The following APLP2 variants were observed in gnomAD, a reference collection of about 807,000 sequenced individuals.
APLP2 encodes CDEI box-binding protein.
In APLP2, 53 loss-of-function variants were observed where a neutral mutation model predicts 89.9. That is an observed-to-expected ratio of 0.59 (90% CI 0.47 to 0.74). The LOEUF (loss-of-function observed/expected upper bound fraction) is 0.74. Ranked by LOEUF, APLP2 falls within the 30% of genes least tolerant of loss-of-function variation. The probability of loss-of-function intolerance (pLI) is 0.00; values close to 1 mark genes in which losing one functional copy is unlikely to be tolerated. For missense variants in APLP2, 973 were observed against 975.9 expected (o/e 1.00, Z 0.04); for synonymous variants, 372 against 348.6 (o/e 1.07, Z -0.75).
rs781185639 is a variant in APLP2 at position 130,126,794 on chromosome 11, G to A, written c.1185G>A (p.Glu395=). The change falls in exon 8 of 17, where the codon GAG becomes GAA. Residue 395 remains glutamate, a synonymous_variant. Coordinates refer to ENST00000338167, the MANE Select transcript of APLP2 (RefSeq NM_001142276.2). ...ATGCTCGCTTCCAGAAGGCTAAGGAGCAGCTGGAGATTCGGCACCGCAACC... is the reference window on the plus strand; with the variant it reads ...ATGCTCGCTTCCAGAAGGCTAAGGAACAGCTGGAGATTCGGCACCGCAACC... ...NEHARFQKAK[E]QLEIRHRNRM... is the part of the protein sequence containing the mutation. 15 of 1,614,100 alleles carry A rather than the reference G, an allele frequency of 9.3e-6. No individual in the cohort carries two copies. The highest frequency in any genetic ancestry group is 2.7e-5 in the African/African-American group (2 of 74,920).
chr11:130,117,933 C>T (rs12282946), intron 3 of APLP2, among the ~76,000 whole-genome samples: 8,639 of 151,986 alleles, frequency 0.057, 840 homozygotes, highest in African/African-American at 0.19. Flanking sequence ...AAAAATTAGA[C>T]GGGCGTGGTG....
intron 1 of APLP2, among the ~76,000 whole-genome samples, chr11:130,071,381 A>C: frequency 6.6e-6 from 1 of 152,338 alleles, no homozygotes; most frequent in Non-Finnish European, 1.5e-5. Context: ...CTTTAAAGAG[A>C]AATAGTTAAC....
chr11:130,119,812 G>A (rs1949618333), intron 3 of APLP2, among the ~76,000 whole-genome samples: 1 of 152,192 alleles, frequency 6.6e-6, no homozygotes, highest in South Asian at 2.1e-4. Context: ...TTTCTCCTAA[G>A]AGCCAGGGAC....
chr11:130,124,360 C>T (rs542168988), intron 7 of APLP2, among the ~76,000 whole-genome samples: 19 of 152,252 alleles, frequency 1.2e-4, no homozygotes, highest in Middle Eastern at 6.8e-3. Flanking sequence ...ATTTTGCAAC[C>T]GGGTCACACA....
chr11:130,102,146 C>A, intron 1 of APLP2: 1 of 298,776 alleles, frequency 3.3e-6, no homozygotes, highest in African/African-American at 2.2e-5. Flanking sequence ...GGTGAAGGTT[C>A]ATGAACATAA....
chr11:130,092,682 G>A (rs924312657), intron 1 of APLP2, among the ~76,000 whole-genome samples: 1 of 114,902 alleles, frequency 8.7e-6, no homozygotes, highest in Admixed American at 8.1e-5. Context: ...CTTCAGCTCC[G>A]CATGAGAGGG....
At chr11:130,091,405 C>T (rs762335543) in intron 1 of APLP2, among the ~76,000 whole-genome samples, 94 of 140,262 alleles carry the variant, frequency 6.7e-4, no homozygotes, top group African/African-American at 2.3e-3. Context: ...GGCGGCTGGC[C>T]GGGCAGAGGG....
At chr11:130,135,888 G>C (rs1951523941) in intron 13 of APLP2, among the ~76,000 whole-genome samples, 173 bp downstream of exon 13, 1 of 152,186 alleles carries the variant, frequency 6.6e-6, no homozygotes, top group Non-Finnish European at 1.5e-5. Context: ...CCTGCTAGAT[G>C]CTTTCAAATC....
rs140319879 is a variant in APLP2, at chr11:130,135,672, G to C, written c.1794G>C (p.Pro598=). 6.8e-6 allele frequency: 11 copies of C among 1,614,024 alleles called. No individual in the cohort carries two copies. The East Asian group carries it at 8.9e-5, about 13-fold the overall frequency. ...VSSEESEEIP[P]FHPFHPFPAL... ...CTGAGGAGAGTGAGGAGATCCCACCGTTCCACCCCTTCCACCCCTTCCCAG... is the reference window on the plus strand; with the variant it reads ...CTGAGGAGAGTGAGGAGATCCCACCCTTCCACCCCTTCCACCCCTTCCCAG... The change falls in exon 13 of 17, where the codon CCG becomes CCC. Residue 598 remains proline (P), a synonymous_variant. Transcript: ENST00000338167.
chr11:130,101,983 A>G (rs942737581), intron 1 of APLP2: 3 of 456,168 alleles, frequency 6.6e-6, no homozygotes, highest in Non-Finnish European at 8.8e-6. Flanking sequence ...CAAATGTCTC[A>G]TTGTGGATGA....
chr11:130,101,105 T>C (rs1411189888), intron 1 of APLP2, among the ~76,000 whole-genome samples: 1 of 151,392 alleles, frequency 6.6e-6, no homozygotes, highest in Admixed American at 6.6e-5. Flanking sequence ...AGTCTTCCAA[T>C]TGCAGAAAAA....
chr11:130,088,303 A>G (rs970096706), intron 1 of APLP2, among the ~76,000 whole-genome samples: 1 of 152,232 alleles, frequency 6.6e-6, no homozygotes, highest in Admixed American at 6.5e-5. Context: ...ATCATTGTTC[A>G]GGGAAGGCTG....
At chr11:130,072,209 C>A (rs1180342053) in intron 1 of APLP2, among the ~76,000 whole-genome samples, 1 of 152,204 alleles carries the variant, frequency 6.6e-6, no homozygotes, top group Non-Finnish European at 1.5e-5. Flanking sequence ...CCATTTGGGA[C>A]TGAGACAGTA....
At chr11:130,142,189 C>CAGTG in intron 16 of APLP2, 115 bp downstream of exon 16, 1 of 1,206,104 alleles carries the variant, frequency 8.3e-7, no homozygotes, top group Non-Finnish European at 1.1e-6. Flanking sequence ...CTGCTGTTAT[C>CAGTG]AGTTCAGTTA....
rs1243441087 is a variant in APLP2 at position 130,069,997 on chromosome 11, C to T, written c.20C>T (p.Ala7Val). 6.7e-7 allele frequency: 1 copy of T among 1,501,688 alleles called. No individual in the cohort carries two copies. The highest frequency in any genetic ancestry group is 8.8e-7 in the Non-Finnish European group (1 of 1,130,212). 93.0% of individuals were successfully genotyped at this position (1,501,688 alleles called of 1,614,324 possible). A position where few individuals can be genotyped will look rare whatever the true frequency, so the allele number is the denominator to read the frequency against. The change falls in exon 1 of 17, where the codon GCG (alanine) becomes GTG (valine). Residue 7 changes from alanine (A) to valine (V), a missense_variant. By Grantham distance (64) the Ala-to-Val change is moderately conservative. Coordinates refer to ENST00000338167, the MANE Select transcript of APLP2 (RefSeq NM_001142276.2). MAATGT[A>V]AAAATGRLLL... ...CGAGGGATGGCGGCCACCGGGACCG[C>T]GGCCGCCGCAGCCACGGGCAGGCTC...
At chr11:130,096,666 C>G (rs1316747964) in intron 1 of APLP2, among the ~76,000 whole-genome samples, 1 of 152,080 alleles carries the variant, frequency 6.6e-6, no homozygotes, top group Non-Finnish European at 1.5e-5. Context: ...TATAATCAGC[C>G]GTGATTGCAC....
rs776609350 is a variant in APLP2 at position 130,135,634 on chromosome 11, G to A, written c.1756G>A (p.Val586Ile). Residue 586 changes from valine to isoleucine, a missense_variant, in exon 13 of 17, where the codon GTC (valine) becomes ATC (isoleucine). Transcript: ENST00000338167. ...TASISETPVD[V>I]RVSSEESEEI... Reference sequence around the variant, plus strand: ...CTCAATCTCAGAGACCCCTGTGGACGTCCGGGTGAGCTCTGAGGAGAGTGA... The same window carrying A: ...CTCAATCTCAGAGACCCCTGTGGACATCCGGGTGAGCTCTGAGGAGAGTGA... 297 of 1,614,056 alleles carry A rather than the reference G, an allele frequency of 1.8e-4. No individual in the cohort carries two copies. Among genetic ancestry groups the A allele is most frequent in the Non-Finnish European group, 2.4e-4 (280 of 1,180,024 alleles).
At chr11:130,107,128 T>C (rs1947893767) in intron 1 of APLP2, among the ~76,000 whole-genome samples, 1 of 152,226 alleles carries the variant, frequency 6.6e-6, no homozygotes, top group Non-Finnish European at 1.5e-5. Flanking sequence ...TGCCCACTCT[T>C]ATATCCTAAA....
intron 1 of APLP2, among the ~76,000 whole-genome samples, chr11:130,091,664 C>T (rs1298094282): frequency 3.3e-5 from 4 of 120,346 alleles, no homozygotes; most frequent in Non-Finnish European, 1.7e-5. Context: ...CCAGTAGGGG[C>T]GGCCGGGCAG....
Sources: gnomAD v4.1 joint callset for allele counts (sites outside exome capture counted in the v4.1 genomes callset) on GRCh38, gnomAD v4.1.1 for gene constraint, MANE v1.5 for transcripts, NCBI Gene and HGNC (gene_info 2026-07-23, HGNC 2026-07-21) for gene names.